The following CCDC102B variants were observed in gnomAD, a reference collection of about 807,000 sequenced individuals.
CCDC102B encodes the protein coiled-coil domain containing 102B.
Under a neutral mutation model 57.4 loss-of-function variants are expected in CCDC102B, and 75 were observed. The observed-to-expected ratio is 1.31, with a 90% CI of 1.08 to 1.58. The LOEUF is 1.58. CCDC102B is among the 40% of genes most tolerant of loss of function. CCDC102B has a pLI of 0.00. For missense variants in CCDC102B, 636 were observed against 582.6 expected (o/e 1.09, Z -0.94); for synonymous variants, 206 against 201.9 (o/e 1.02, Z -0.17).
chr18:68,999,219 G>T (rs992257494), intron 6 of CCDC102B, among the ~76,000 whole-genome samples: 2 of 151,900 alleles, frequency 1.3e-5, no homozygotes, highest in Non-Finnish European at 2.9e-5. Context: ...GAAAGCTATT[G>T]TAGAAGGTTT....
chr18:68,874,223 T>TAC (rs2144930250), intron 4 of CCDC102B, among the ~76,000 whole-genome samples: 1 of 148,540 alleles, frequency 6.7e-6, no homozygotes, highest in East Asian at 2.0e-4. Context: ...TATATATATA[T>TAC]ACTTTATTTC....
chr18:68,863,825 T>C (rs907998169), intron 4 of CCDC102B, among the ~76,000 whole-genome samples: 2 of 151,972 alleles, frequency 1.3e-5, no homozygotes, highest in African/African-American at 4.8e-5. Flanking sequence ...CTACCATATT[T>C]AGAACTCAGG....
At chr18:68,922,810 G>A (rs2041331158) in intron 6 of CCDC102B, among the ~76,000 whole-genome samples, 1 of 142,284 alleles carries the variant, frequency 7.0e-6, no homozygotes, top group Non-Finnish European at 1.6e-5. Flanking sequence ...TCCCATTGGG[G>A]GAAAGGATAT....
intron 6 of CCDC102B, among the ~76,000 whole-genome samples, chr18:68,910,089 A>G (rs2040785269): frequency 6.6e-6 from 1 of 152,168 alleles, no homozygotes; most frequent in Admixed American, 6.5e-5. Flanking sequence ...CGGTCAAATC[A>G]TTTGACCAGC....
intron 7 of CCDC102B, among the ~76,000 whole-genome samples, chr18:69,020,717 C>T (rs1379945008): frequency 6.6e-6 from 1 of 152,124 alleles, no homozygotes; most frequent in Non-Finnish European, 1.5e-5. Context: ...TTGCCACAGT[C>T]AACATGCAAA....
At chr18:68,964,191 G>A (rs80256401) in intron 6 of CCDC102B, among the ~76,000 whole-genome samples, 3,752 of 151,764 alleles carry the variant, frequency 0.025, 117 homozygotes, top group East Asian at 0.15. Flanking sequence ...TTAAATTATC[G>A]TTTGCAGTAC....
chr18:68,989,362 T>C (rs1332487292), intron 6 of CCDC102B, among the ~76,000 whole-genome samples: 1 of 152,224 alleles, frequency 6.6e-6, no homozygotes, highest in Non-Finnish European at 1.5e-5. Context: ...ATTCTGAAAC[T>C]CATAGGAATA....
At chr18:69,056,425 G>A (rs1356442299), downstream of CCDC102B, among the ~76,000 whole-genome samples, 3 of 152,138 alleles carry the variant, frequency 2.0e-5, no homozygotes, top group East Asian at 1.9e-4. Context: ...GGAGTCACTC[G>A]AGGTTGCATT....
chr18:68,966,340 A>G (rs1157865325), intron 6 of CCDC102B, among the ~76,000 whole-genome samples: 1 of 152,098 alleles, frequency 6.6e-6, no homozygotes, highest in East Asian at 1.9e-4. Context: ...TAGTTAACTC[A>G]CAATCCTTTG....
intron 5 of CCDC102B, among the ~76,000 whole-genome samples, chr18:68,884,598 A>G (rs1440091450): frequency 6.6e-6 from 1 of 151,636 alleles, no homozygotes; most frequent in Non-Finnish European, 1.5e-5. Context: ...ACACACACAC[A>G]CACACACATA....
chr18:68,987,057 T>C lies in CCDC102B; in HGVS notation c.1264-23877T>C, dbSNP rs376154350. Reference sequence around the variant, plus strand: ...ACTATCAATGTCATTTTTCACAGAATTGGAAACGTCTATTCTTAAATTCAT... The same window carrying C: ...ACTATCAATGTCATTTTTCACAGAACTGGAAACGTCTATTCTTAAATTCAT... On this transcript the variant is annotated intron_variant, in intron 6 of 7. Transcript: ENST00000360242. 9.9e-5 allele frequency among the ~76,000 whole-genome samples: 15 copies of C among 152,242 alleles called. No homozygotes were observed. The East Asian group carries it at 2.7e-3, about 27-fold the overall frequency.
upstream of CCDC102B, among the ~76,000 whole-genome samples, chr18:68,793,533 C>G (rs1490515009): frequency 1.3e-5 from 2 of 152,030 alleles, no homozygotes; most frequent in African/African-American, 2.4e-5. Context: ...TTTACTTTCT[C>G]TATAACATGT....
At chr18:68,804,864 CT>C (rs202008892) in intron 1 of CCDC102B, among the ~76,000 whole-genome samples, 3,575 of 140,636 alleles carry the variant, frequency 0.025, 107 homozygotes, top group African/African-American at 0.075. Flanking sequence ...GGATCAAAAT[CT>C]TTTTTTTTTT....
chr18:68,988,353 C>T (rs79620317), intron 6 of CCDC102B, among the ~76,000 whole-genome samples: 4 of 151,960 alleles, frequency 2.6e-5, no homozygotes, highest in Admixed American at 1.3e-4. Context: ...TGAGCACACC[C>T]GGACACAAAG....
intron 1 of CCDC102B, among the ~76,000 whole-genome samples, chr18:68,836,066 C>A (rs1790652): frequency 0.98 from 148,843 of 152,294 alleles, 72,820 homozygotes; most frequent in East Asian, 1. Context: ...ATTGAGGCTT[C>A]GCAGGGATAA....
intron 2 of CCDC102B, among the ~76,000 whole-genome samples, chr18:68,782,574 T>C (rs1405335536): frequency 6.6e-6 from 1 of 152,074 alleles, no homozygotes; most frequent in Admixed American, 6.6e-5. Flanking sequence ...AGTTATGATA[T>C]CCTCAGCTTT....
chr18:68,911,509 T>C (rs1194021862), intron 6 of CCDC102B, among the ~76,000 whole-genome samples: 4 of 150,104 alleles, frequency 2.7e-5, no homozygotes, highest in Non-Finnish European at 5.9e-5. Context: ...TCCCAGCACT[T>C]TGGGAGGCCG....
At chr18:68,732,967 A>G (rs2032951328) in intron 2 of CCDC102B, among the ~76,000 whole-genome samples, 1 of 151,772 alleles carries the variant, frequency 6.6e-6, no homozygotes. Context: ...AAAGACATCC[A>G]ATGTATAAGG....
In CCDC102B at chr18:68,914,634, G is replaced by A. The variant is rs573840652; in HGVS notation, c.1263+17206G>A. ...ATCTTCAGTTTGGAAACATTTCTTC[G>A]TTTATTTATCACACCACCACTACTA... is the stretch of plus-strand genomic sequence containing the variant. On this transcript the variant is annotated intron_variant, in intron 6 of 7. Coordinates refer to ENST00000360242, the MANE Select transcript of CCDC102B (RefSeq NM_024781.3). 1.8e-4 allele frequency among the ~76,000 whole-genome samples: 27 copies of A among 152,128 alleles called. No individual in the cohort carries two copies. In the South Asian group the frequency reaches 4.4e-3, roughly 25 times the overall value.
Sources: gnomAD v4.1 joint callset for allele counts (sites outside exome capture counted in the v4.1 genomes callset) on GRCh38, gnomAD v4.1.1 for gene constraint, MANE v1.5 for transcripts, NCBI Gene and HGNC (gene_info 2026-07-23, HGNC 2026-07-21) for gene names.